ZMIZ1: variants seen among roughly 807,000 people sequenced by gnomAD.
ZMIZ1 encodes zinc finger MIZ-type containing 1, also known as zinc finger MIZ domain-containing protein 1.
ZMIZ1 carries 17 observed loss-of-function variants against 113.9 expected under a neutral mutation model. The ratio of observed to expected loss-of-function variants is 0.15; its 90% CI spans 0.10 to 0.22. ZMIZ1 has a LOEUF of 0.22. ZMIZ1 is among the 10% of genes least tolerant of loss of function. The pLI is 1.00. For synonymous variants in ZMIZ1, 607 were observed against 603.1 expected, an observed-to-expected ratio of 1.01 and a Z score of -0.09; for missense variants, 1,059 against 1,477.8, an observed-to-expected ratio of 0.72 and a Z score of 4.65.
chr10:79,149,902 C>T (rs1390226744), intron 3 of ZMIZ1, among the ~76,000 whole-genome samples: 1 of 152,364 alleles, frequency 6.6e-6, no homozygotes, highest in African/African-American at 2.4e-5. Flanking sequence ...AACCCAGCAG[C>T]ACTTTTGTCG....
chr10:79,125,108 G>A (rs1482429257), intron 2 of ZMIZ1, among the ~76,000 whole-genome samples: 4 of 152,214 alleles, frequency 2.6e-5, no homozygotes, highest in African/African-American at 9.7e-5. Context: ...CAGCAACCCA[G>A]GCACCTCTGC....
intron 7 of ZMIZ1, among the ~76,000 whole-genome samples, chr10:79,265,514 T>C (rs1035092092): frequency 1.4e-5 from 2 of 147,396 alleles, no homozygotes; most frequent in African/African-American, 2.6e-5. Flanking sequence ...GTGATGGTGA[T>C]AGAGGTACAG....
intron 23 of ZMIZ1, among the ~76,000 whole-genome samples, chr10:79,309,990 A>G (rs895448371): frequency 6.6e-5 from 10 of 152,164 alleles, no homozygotes; most frequent in Non-Finnish European, 1.3e-4. Flanking sequence ...TGGGACAGCA[A>G]ACAGGCTAGC....
At chr10:79,263,520 A>T (rs1851394213) in intron 7 of ZMIZ1, among the ~76,000 whole-genome samples, 1 of 152,050 alleles carries the variant, frequency 6.6e-6, no homozygotes, top group Non-Finnish European at 1.5e-5. Context: ...GTTTGGGAAG[A>T]TTTGTGGGTG....
rs1290817118 is a variant in ZMIZ1, at chr10:79,315,803, A to G, written c.*3054A>G. 2.6e-5 allele frequency: 4 copies of G among 152,648 alleles called. No individual in the cohort carries two copies. Among genetic ancestry groups the G allele is most frequent in the African/African-American group, 7.2e-5 (3 of 41,390 alleles). 9.5% of individuals were successfully genotyped at this position (152,648 alleles called of 1,614,324 possible). A position where few individuals can be genotyped will look rare whatever the true frequency, so the allele number is the denominator to read the frequency against. The stretch of plus-strand genomic sequence containing the variant: ...ATGAGAAATAGAGACGTGTCAACAG[A>G]TGCATTCATTTCTCTTGGAATGTGT... On this transcript the variant is annotated 3_prime_UTR_variant, in exon 25 of 25. Coordinates refer to ENST00000334512, the MANE Select transcript of ZMIZ1 (RefSeq NM_020338.4).
chr10:79,290,718 C>T, intron 9 of ZMIZ1: 1 of 688,810 alleles, frequency 1.5e-6, no homozygotes, highest in Non-Finnish European at 2.7e-6. Flanking sequence ...GGGGCTTGGT[C>T]ATACCCTCAG....
At chr10:79,129,767 GAGCCCCTGCCCCC>G (rs1844671198) in intron 2 of ZMIZ1, among the ~76,000 whole-genome samples, 1 of 152,228 alleles carries the variant, frequency 6.6e-6, no homozygotes, top group Non-Finnish European at 1.5e-5. Flanking sequence ...AGGGCAGAGC[GAGCCCCTGCCCCC>G]AGCCCTGGCC....
At chr10:79,088,823 C>G (rs1250001) in intron 1 of ZMIZ1, among the ~76,000 whole-genome samples, 39,085 of 152,150 alleles carry the variant, frequency 0.26, 6,139 homozygotes, top group African/African-American at 0.44. Context: ...CTTGCTCCCC[C>G]AGGCAAAGCT....
In ZMIZ1 at chr10:79,201,458, A is replaced by G; in HGVS notation, c.-49-126A>G. ...CAGCCCAGTGGGGTACCCCAGGTGCAGCCCCACAGGGCCCAGCAAAGGACT... is the reference window on the plus strand; with the variant it reads ...CAGCCCAGTGGGGTACCCCAGGTGCGGCCCCACAGGGCCCAGCAAAGGACT... On this transcript the variant is annotated intron_variant, in intron 4 of 24. Coordinates refer to ENST00000334512, the MANE Select transcript of ZMIZ1 (RefSeq NM_020338.4). The G allele has an allele frequency of 4.3e-6, 3 of 699,572 alleles. No individual in the cohort carries two copies. In the Middle Eastern group the frequency reaches 8.5e-4, roughly 198 times the overall value. 43.3% of individuals were successfully genotyped at this position (699,572 alleles called of 1,614,324 possible). A position where few individuals can be genotyped will look rare whatever the true frequency, so the allele number is the denominator to read the frequency against.
Position 79,313,986 on chromosome 10 carries a change from C to T in ZMIZ1, c.*1237C>T, listed in dbSNP as rs938931003. 6.9e-5 allele frequency: 31 copies of T among 452,242 alleles called. No individual in the cohort carries two copies. In the Admixed American group the frequency reaches 7.1e-4, roughly 10 times the overall value. 28.0% of individuals were successfully genotyped at this position (452,242 alleles called of 1,614,324 possible). A position where few individuals can be genotyped will look rare whatever the true frequency, so the allele number is the denominator to read the frequency against. Reference sequence around the variant, plus strand: ...CAGCCCAGGCCATGGACATGTGCACCAGTATGTACCTGCAGGCATGGGGGG... The same window carrying T: ...CAGCCCAGGCCATGGACATGTGCACTAGTATGTACCTGCAGGCATGGGGGG... On this transcript the variant is annotated 3_prime_UTR_variant, in exon 25 of 25. Coordinates refer to ENST00000334512, the MANE Select transcript of ZMIZ1 (RefSeq NM_020338.4).
chr10:79,236,719 A>T (rs190171664), intron 7 of ZMIZ1, among the ~76,000 whole-genome samples: 1 of 152,228 alleles, frequency 6.6e-6, no homozygotes, highest in African/African-American at 2.4e-5. Flanking sequence ...GGGCCACCAC[A>T]CACCCTTAGA....
chr10:79,237,435 T>C (rs1849637385), intron 7 of ZMIZ1, among the ~76,000 whole-genome samples: 1 of 152,170 alleles, frequency 6.6e-6, no homozygotes, highest in Admixed American at 6.5e-5. Flanking sequence ...ACAATAGCGA[T>C]TCACTGTCTC....
At chr10:79,262,426 C>T (rs930060465) in intron 7 of ZMIZ1, among the ~76,000 whole-genome samples, 1 of 152,254 alleles carries the variant, frequency 6.6e-6, no homozygotes, top group Non-Finnish European at 1.5e-5. Context: ...TCATTCAGCC[C>T]TGCTCTGGGA....
intron 4 of ZMIZ1, among the ~76,000 whole-genome samples, chr10:79,186,190 C>G (rs973968288): frequency 6.6e-6 from 1 of 152,238 alleles, no homozygotes; most frequent in African/African-American, 2.4e-5. Context: ...CTGCCTGGCC[C>G]TGGATCCTGT....
At chr10:79,308,881 G>C (rs1283967623) in intron 23 of ZMIZ1, among the ~76,000 whole-genome samples, 1 of 152,124 alleles carries the variant, frequency 6.6e-6, no homozygotes, top group African/African-American at 2.4e-5. Flanking sequence ...TGACAATCAA[G>C]CTTTCTCCTG....
chr10:79,293,736 G>A (rs1371777191), intron 12 of ZMIZ1, 83 bp downstream of exon 12: 3 of 1,602,448 alleles, frequency 1.9e-6, no homozygotes, highest in Admixed American at 1.7e-5. Context: ...GGCTTTGGAA[G>A]GGGTGTGGCT....
At chr10:79,088,176 C>T (rs984801306) in intron 1 of ZMIZ1, among the ~76,000 whole-genome samples, 5 of 152,280 alleles carry the variant, frequency 3.3e-5, no homozygotes, top group African/African-American at 9.6e-5. Flanking sequence ...CTCCCAGGAG[C>T]GCTTTGTGGG....
intron 1 of ZMIZ1, among the ~76,000 whole-genome samples, chr10:79,090,904 C>G (rs536785590): frequency 6.6e-6 from 1 of 152,234 alleles, no homozygotes; most frequent in Non-Finnish European, 1.5e-5. Flanking sequence ...CTGGCCTCAT[C>G]GCCAGGTCAA....
At chr10:79,221,366 C>T (rs1008908387) in intron 7 of ZMIZ1, among the ~76,000 whole-genome samples, 2 of 152,196 alleles carry the variant, frequency 1.3e-5, no homozygotes, top group Admixed American at 6.5e-5. Flanking sequence ...TCCACGCGGC[C>T]CTGGACGCCC....
Sources: allele counts gnomAD v4.1 joint callset (sites outside exome capture counted in the v4.1 genomes callset), GRCh38; gene constraint gnomAD v4.1.1; transcripts MANE v1.5; gene names NCBI Gene and HGNC (gene_info 2026-07-23, HGNC 2026-07-21).